Variants in SIPA1 observed in about 807,000 individuals in gnomAD.
The protein encoded by SIPA1 is signal-induced proliferation-associated protein 1.
In SIPA1, 51 loss-of-function variants were observed where a neutral mutation model predicts 88.1. The observed-to-expected ratio is 0.58, with a 90% CI of 0.46 to 0.73. The LOEUF is 0.73. Ranked by LOEUF, SIPA1 falls within the 30% of genes least tolerant of loss-of-function variation. The pLI is 0.00. For synonymous variants in SIPA1, 681 were observed against 664.8 expected (o/e 1.02, Z -0.37); for missense variants, 1,348 against 1,467.6 (o/e 0.92, Z 1.33).
Position 65,650,387 on chromosome 11 carries a change from C to T in SIPA1, c.2904-14C>T, listed in dbSNP as rs372911563. The T allele has an allele frequency of 1.2e-6, 2 of 1,613,422 alleles. No individual in the cohort carries two copies. ...TGCCTTGGTCCTGCTGAGTCTTGAC[C>T]CCCATGTCTTCAGGCCAGAGCCTGG... On this transcript the variant is annotated splice_polypyrimidine_tract_variant and intron_variant, in intron 14 of 15. Transcript: ENST00000534313.
chr11:65,646,957 C>T lies in SIPA1; in HGVS notation c.1923C>T (p.Thr641=). Residue 641 remains threonine, a synonymous_variant, in exon 8 of 16, where the codon ACC becomes ACT. Transcript: ENST00000534313. This position sits in a 1 kb window ranked among gnomAD's most constrained non-coding sequence, Gnocchi z 7.5. ...CCTGTCGCGACGTGCTGGCCTGGAC[C>T]TTCTCCGAGCAGCAGCTGGACCTGT... is the stretch of plus-strand genomic sequence containing the variant. ...NCACRDVLAW[T]FSEQQLDLYH... 6.5e-7 allele frequency: 1 copy of T among 1,539,034 alleles called. No individual in the cohort carries two copies. The highest frequency in any genetic ancestry group is 8.7e-7 in the Non-Finnish European group (1 of 1,148,092).
At position 65,645,051 on chromosome 11, in the gene SIPA1, A is replaced by G. The variant is rs1257402042; in HGVS notation, c.1081A>G (p.Met361Val). 1 of 1,614,068 alleles carries G rather than the reference A, an allele frequency of 6.2e-7. No individual in the cohort carries two copies. Among genetic ancestry groups the G allele is most frequent in the Non-Finnish European group, 8.5e-7 (1 of 1,179,952 alleles). The change falls in exon 5 of 16, where the codon ATG becomes GTG. Residue 361 changes from methionine (M) to valine (V), a missense_variant. Coordinates refer to ENST00000534313, the MANE Select transcript of SIPA1 (RefSeq NM_006747.4). Reference protein sequence around the residue: ...YNNQEAGPAFMQFLTLLGDVV... With the variant: ...YNNQEAGPAFVQFLTLLGDVV... ...CAACCAGGAGGCGGGACCGGCCTTCATGCAGTTTCTCACCTTGCTGGGCGA... is the reference window on the plus strand; with the variant it reads ...CAACCAGGAGGCGGGACCGGCCTTCGTGCAGTTTCTCACCTTGCTGGGCGA...
In SIPA1 at chr11:65,641,355, C is replaced by G; in HGVS notation, c.434C>G (p.Thr145Ser). Reference protein sequence around the residue: ...MGSHSEASSGTLASAEDQAAS... With the variant: ...MGSHSEASSGSLASAEDQAAS... ...AGCCACTCAGAGGCCAGCTCTGGGA[C>G]CCTGGCTTCAGCCGAGGACCAGGCT... Residue 145 changes from threonine (T) to serine (S), a missense_variant, in exon 2 of 16, where the codon ACC (threonine) becomes AGC (serine). Thr to Ser is a moderately conservative substitution (Grantham distance 58, BLOSUM62 1). This residue lies in a region of SIPA1 where 641 missense variants were observed against 797.7 expected (regional missense o/e 0.80). Transcript: ENST00000534313. 6.2e-7 allele frequency: 1 copy of G among 1,613,390 alleles called. No homozygotes were observed. The highest frequency in any genetic ancestry group is 8.5e-7 in the Non-Finnish European group (1 of 1,180,022).
chr11:65,642,911 T>TTATTTATTTATG lies in SIPA1; in HGVS notation c.984+283_984+284insGTATTTATTTAT, dbSNP rs1856038220. Among the ~76,000 whole-genome samples, 2 of 151,426 alleles carry TTATTTATTTATG rather than the reference T, an allele frequency of 1.3e-5. No homozygotes were observed. The highest frequency in any genetic ancestry group is 4.2e-4 in the South Asian group (2 of 4,796). ...GAATCAGAGTTTGCACTTTATTTAT[T>TTATTTATTTATG]TATTTATTTATTTATTTATTTTGAG... On this transcript the variant is annotated intron_variant, in intron 4 of 15. Coordinates refer to ENST00000534313, the MANE Select transcript of SIPA1 (RefSeq NM_006747.4). The surrounding 1 kb of genome is among the most constrained non-coding windows in gnomAD (Gnocchi z 6.5).
At position 65,642,389 on chromosome 11, in the gene SIPA1, T is replaced by C. The variant is rs1856023465; in HGVS notation, c.807+12T>C. On this transcript the variant is annotated intron_variant, in intron 3 of 15. Coordinates refer to ENST00000534313, the MANE Select transcript of SIPA1 (RefSeq NM_006747.4). This position sits in a 1 kb window ranked among gnomAD's most constrained non-coding sequence, Gnocchi z 6.5. ...TGCGGACCACGCAGGTGGGCCGGGA[T>C]CGCGGGATCAGGACGTGGGTTGCCT... The C allele has an allele frequency of 1.3e-6, 2 of 1,587,346 alleles. No individual in the cohort carries two copies. Among genetic ancestry groups the C allele is most frequent in the African/African-American group, 2.7e-5 (2 of 74,126 alleles).
Position 65,646,036 on chromosome 11 carries a change from G to A in SIPA1, c.1263+79G>A. ...GCATGGCCCATGACGTTTGAGCTTT[G>A]GCCGGAGCTCTGTTGGCCCCAACAG... On this transcript the variant is annotated intron_variant, in intron 6 of 15. Coordinates refer to ENST00000534313, the MANE Select transcript of SIPA1 (RefSeq NM_006747.4). This position sits in a 1 kb window ranked among gnomAD's most constrained non-coding sequence, Gnocchi z 7.5. The A allele has an allele frequency of 7.6e-7, 1 of 1,322,028 alleles. No individual in the cohort carries two copies. Among genetic ancestry groups the A allele is most frequent in the Admixed American group, 2.0e-5 (1 of 50,522 alleles). 81.9% of individuals were successfully genotyped at this position (1,322,028 alleles called of 1,614,324 possible).
rs768184535 is a variant in SIPA1, at chr11:65,647,486, G to A, written c.2134G>A (p.Glu712Lys). Reference sequence around the variant, plus strand: ...CGCCGAGGGATTCGTCACGCACGTGGAGCGCTTCACATTCGCCGAGACGGC... The same window carrying A: ...CGCCGAGGGATTCGTCACGCACGTGAAGCGCTTCACATTCGCCGAGACGGC... ...VDAEGFVTHV[E>K]RFTFAETAGL... Residue 712 changes from glutamate to lysine, a missense_variant, in exon 9 of 16, where the codon GAG becomes AAG. Physicochemically the swap from Glu to Lys is moderately conservative, Grantham distance 56. This residue lies in a region of SIPA1 where 615 missense variants were observed against 559.8 expected (regional missense o/e 1.10). Transcript: ENST00000534313. 6.9e-7 allele frequency: 1 copy of A among 1,454,018 alleles called. No homozygotes were observed. The highest frequency in any genetic ancestry group is 9.0e-7 in the Non-Finnish European group (1 of 1,110,632). 90.1% of individuals were successfully genotyped at this position (1,454,018 alleles called of 1,614,324 possible).
chr11:65,646,235 C>T lies in SIPA1; in HGVS notation c.1278C>T (p.Arg426=). Residue 426 remains arginine (R), a synonymous_variant, in exon 7 of 16, where the codon CGC becomes CGT. Coordinates refer to ENST00000534313, the MANE Select transcript of SIPA1 (RefSeq NM_006747.4). This position sits in a 1 kb window ranked among gnomAD's most constrained non-coding sequence, Gnocchi z 7.5. ...PNNQQQLLRK[R]HIGNDIVTIV... Reference sequence around the variant, plus strand: ...CCAACCCCTAGCTCCTCCGGAAGCGCCACATTGGCAACGACATTGTGACCA... The same window carrying T: ...CCAACCCCTAGCTCCTCCGGAAGCGTCACATTGGCAACGACATTGTGACCA... 1 of 1,614,074 alleles carries T rather than the reference C, an allele frequency of 6.2e-7. No individual in the cohort carries two copies. Among genetic ancestry groups the T allele is most frequent in the Non-Finnish European group, 8.5e-7 (1 of 1,179,992 alleles).
chr11:65,642,011 G>C lies in SIPA1; in HGVS notation c.680-239G>C. 1.7e-6 allele frequency: 1 copy of C among 577,776 alleles called. No homozygotes were observed. Among genetic ancestry groups the C allele is most frequent in the Non-Finnish European group, 3.0e-6 (1 of 335,206 alleles). The allele number at this position is 577,776 out of a possible 1,614,324, so 35.8% of individuals were successfully genotyped here. A position where few individuals can be genotyped will look rare whatever the true frequency, so the allele number is the denominator to read the frequency against. Reference sequence around the variant, plus strand: ...ATGAGGGCGTGGTGGGTGGAGCCAAGGCAGGATTTAGGCCTGGGAGCTGGC... The same window carrying C: ...ATGAGGGCGTGGTGGGTGGAGCCAACGCAGGATTTAGGCCTGGGAGCTGGC... On this transcript the variant is annotated intron_variant, in intron 2 of 15. Transcript: ENST00000534313. This position sits in a 1 kb window ranked among gnomAD's most constrained non-coding sequence, Gnocchi z 6.5.
rs1555003564 is a variant in SIPA1 at position 65,642,901 on chromosome 11, C to CTTTCTTTCTTTATTTATTTA, written c.984+265_984+266insCTTTCTTTATTTATTTATTT. On this transcript the variant is annotated intron_variant, in intron 4 of 15. Transcript: ENST00000534313. The surrounding 1 kb of genome is among the most constrained non-coding windows in gnomAD (Gnocchi z 6.5). ...CAGACCATCTGAATCAGAGTTTGCA[C>CTTTCTTTCTTTATTTATTTA]TTTATTTATTTATTTATTTATTTAT... Among the ~76,000 whole-genome samples, 19 of 146,960 alleles carry CTTTCTTTCTTTATTTATTTA rather than the reference C, an allele frequency of 1.3e-4. No homozygotes were observed. The highest frequency in any genetic ancestry group is 4.3e-4 in the African/African-American group (17 of 39,410).
At position 65,645,836 on chromosome 11, in the gene SIPA1, C is replaced by G; in HGVS notation, c.1160-18C>G. The G allele has an allele frequency of 6.3e-7, 1 of 1,586,488 alleles. No homozygotes were observed. On this transcript the variant is annotated intron_variant, in intron 5 of 15. Transcript: ENST00000534313. ...CCCCTTGTTTTCTCCTTCTGTGTCC[C>G]TAACTTCCTGGCCACAGCGGATTCC...
In SIPA1 at chr11:65,649,242, G is replaced by A; in HGVS notation, c.2307-20G>A. 1 of 1,487,096 alleles carries A rather than the reference G, an allele frequency of 6.7e-7. No homozygotes were observed. The highest frequency in any genetic ancestry group is 1.3e-5 in the South Asian group (1 of 75,844). 92.1% of individuals were successfully genotyped at this position (1,487,096 alleles called of 1,614,324 possible). On this transcript the variant is annotated intron_variant, in intron 9 of 15. Transcript: ENST00000534313. ...GCTGGGGACTGGAGAAGTCCTGCCTGACCCTGTCCCACCCCACAGGAGTTT... is the reference window on the plus strand; with the variant it reads ...GCTGGGGACTGGAGAAGTCCTGCCTAACCCTGTCCCACCCCACAGGAGTTT...
At position 65,650,396 on chromosome 11, in the gene SIPA1, T is replaced by G. The variant is rs747835704; in HGVS notation, c.2904-5T>G. On this transcript the variant is annotated splice_region_variant and splice_polypyrimidine_tract_variant and intron_variant, in intron 14 of 15. Coordinates refer to ENST00000534313, the MANE Select transcript of SIPA1 (RefSeq NM_006747.4). ...CCTGCTGAGTCTTGACCCCCATGTC[T>G]TCAGGCCAGAGCCTGGGAACCTCTC... 2.4e-5 allele frequency: 38 copies of G among 1,613,818 alleles called. No individual in the cohort carries two copies. The highest frequency in any genetic ancestry group is 4.2e-6 in the Non-Finnish European group (5 of 1,179,912).
At chr11:65,649,109 T>C (rs944465646) in intron 9 of SIPA1, 153 bp from the exon 10 acceptor site, 2 of 595,934 alleles carry the variant, frequency 3.4e-6, no homozygotes, top group African/African-American at 3.7e-5. Context: ...TCTGGAAAAA[T>C]GGCCAGTAAC....
chr11:65,645,829 T>G, intron 5 of SIPA1, 25 bp from the exon 6 acceptor site: 1 of 1,562,630 alleles, frequency 6.4e-7, no homozygotes, highest in Non-Finnish European at 8.8e-7. Context: ...TTTCTCCTTC[T>G]GTGTCCCTAA....
At chr11:65,649,053 G>T in intron 9 of SIPA1, 2 of 521,270 alleles carry the variant, frequency 3.8e-6, no homozygotes, top group Non-Finnish European at 3.4e-6. Flanking sequence ...TGTTCAGAGT[G>T]ATTTGCTTGG....
At position 65,642,489 on chromosome 11, in the gene SIPA1, G is replaced by A. The variant is rs1252421005; in HGVS notation, c.834G>A (p.Ser278=). ...TQLRTLRGTI[S]EDALPPGPPR... ...TCCGGACACTCCGTGGCACCATCTC[G>A]GAGGACGCGCTGCCGCCGGGGCCCC... is the stretch of plus-strand genomic sequence containing the variant. Residue 278 remains serine, a synonymous_variant, in exon 4 of 16, where the codon TCG becomes TCA. Transcript: ENST00000534313. The surrounding 1 kb of genome is among the most constrained non-coding windows in gnomAD (Gnocchi z 6.5). 1 of 1,611,456 alleles carries A rather than the reference G, an allele frequency of 6.2e-7. No individual in the cohort carries two copies. Among genetic ancestry groups the A allele is most frequent in the Admixed American group, 1.7e-5 (1 of 59,950 alleles).
At position 65,646,584 on chromosome 11, in the gene SIPA1, C is replaced by A; in HGVS notation, c.1550C>A (p.Ala517Glu). 1 of 1,546,096 alleles carries A rather than the reference C, an allele frequency of 6.5e-7. No homozygotes were observed. Among genetic ancestry groups the A allele is most frequent in the Non-Finnish European group, 8.7e-7 (1 of 1,151,260 alleles). ...LLAKALNGEQ[A>E]AGHARQFHAM... The stretch of plus-strand genomic sequence containing the variant: ...GCCAAAGCGCTGAATGGTGAGCAGG[C>A]GGCCGGCCACGCGCGCCAGTTCCAC... Residue 517 changes from alanine to glutamate, a missense_variant, in exon 8 of 16, where the codon GCG becomes GAG. By Grantham distance (107) the Ala-to-Glu change is moderately radical. Coordinates refer to ENST00000534313, the MANE Select transcript of SIPA1 (RefSeq NM_006747.4). The surrounding 1 kb of genome is among the most constrained non-coding windows in gnomAD (Gnocchi z 7.5).
chr11:65,641,108 C>T lies in SIPA1; in HGVS notation c.187C>T (p.Pro63Ser), dbSNP rs1473264742. The change falls in exon 2 of 16, where the codon CCC becomes TCC. Residue 63 changes from proline (P) to serine (S), a missense_variant. Around this residue, in one of 4 missense-constraint regions of SIPA1, gnomAD observed 641 missense variants for 797.7 expected, o/e 0.80. Transcript: ENST00000534313. ...CAGCGATGCAGGCGAGGCCAGGCCC[C>T]CCACGCCAGCCAGCCCCCGTGCCCG... ...SGSDAGEARP[P>S]TPASPRARAH... 2 of 1,601,058 alleles carry T rather than the reference C, an allele frequency of 1.2e-6. No homozygotes were observed. The highest frequency in any genetic ancestry group is 2.2e-5 in the South Asian group (2 of 90,906).
Sources: gnomAD v4.1 joint callset for allele counts (sites outside exome capture counted in the v4.1 genomes callset) on GRCh38, gnomAD v4.1.1 for gene constraint, gnomAD v4.1.1 regional missense constraint, Gnocchi (gnomAD v3.1) non-coding constraint, MANE v1.5 for transcripts, NCBI Gene and HGNC (gene_info 2026-07-23, HGNC 2026-07-21) for gene names.